The following EPHB2 variants were observed in gnomAD, a reference collection of about 807,000 sequenced individuals.
EPHB2 encodes the protein ephrin type-B receptor 2.
A neutral mutation model predicts 96.4 loss-of-function variants in EPHB2; 18 were observed. The observed-to-expected ratio is 0.19, with a 90% CI of 0.13 to 0.28. EPHB2 has a LOEUF of 0.28. Among genes scored for constraint, EPHB2 ranks in the 10% least tolerant of loss-of-function variants. EPHB2 has a pLI of 1.00. For synonymous variants in EPHB2, 506 were observed against 534.1 expected (o/e 0.95, Z 0.72); for missense variants, 989 against 1,355.4 (o/e 0.73, Z 4.25).
At chr1:22,814,943 A>G (rs1393118493) in intron 3 of EPHB2, among the ~76,000 whole-genome samples, 2 of 152,196 alleles carry the variant, frequency 1.3e-5, no homozygotes, top group African/African-American at 4.8e-5. Context: ...GCCTGTAACC[A>G]TGGAGACAGC....
intron 3 of EPHB2, among the ~76,000 whole-genome samples, chr1:22,786,775 A>G (rs1644617505): frequency 6.6e-6 from 1 of 152,226 alleles, no homozygotes; most frequent in Non-Finnish European, 1.5e-5. Context: ...GGAAGACAGG[A>G]TGGAAAGGGA....
intron 6 of EPHB2, chr1:22,882,874 A>G (rs1639097165): frequency 3.1e-6 from 1 of 318,214 alleles, no homozygotes; most frequent in African/African-American, 2.2e-5. Flanking sequence ...TTCGACAGAG[A>G]TTTGAAACAG....
chr1:22,761,944 G>A (rs976767511), intron 1 of EPHB2, among the ~76,000 whole-genome samples: 4 of 152,248 alleles, frequency 2.6e-5, no homozygotes, highest in South Asian at 2.1e-4. Context: ...TCTGCCTGTC[G>A]TTGCCTTGCT....
rs770838622 is a variant in EPHB2, at chr1:22,781,462, T to G, written c.103T>G (p.Trp35Gly). The G allele has an allele frequency of 1.2e-6, 2 of 1,614,126 alleles. No individual in the cohort carries two copies. Among genetic ancestry groups the G allele is most frequent in the Non-Finnish European group, 1.7e-6 (2 of 1,180,006 alleles). The change falls in exon 2 of 16, where the codon TGG (tryptophan) becomes GGG (glycine). Residue 35 changes from tryptophan to glycine, a missense_variant. By Grantham distance (184) the Trp-to-Gly change is radical (BLOSUM62 -2). Transcript: ENST00000374630. ...CACTACAGCGACTGCTGAGCTGGGC[T>G]GGATGGTGCATCCTCCATCAGGGGT... ...DSTTATAELG[W>G]MVHPPSGWEE...
intron 1 of EPHB2, among the ~76,000 whole-genome samples, chr1:22,721,117 G>T (rs989049502): frequency 6.6e-6 from 1 of 152,186 alleles, no homozygotes; most frequent in Non-Finnish European, 1.5e-5. Flanking sequence ...AGAGGTCATC[G>T]CAGGAGTGGG....
chr1:22,761,325 C>T (rs1444388944), intron 1 of EPHB2, among the ~76,000 whole-genome samples: 4 of 152,130 alleles, frequency 2.6e-5, no homozygotes, highest in South Asian at 2.1e-4. Context: ...TCGCGGAGAG[C>T]GGGAGGGATC....
Position 22,785,062 on chromosome 1 carries a change from G to A in EPHB2, c.797G>A (p.Gly266Asp), listed in dbSNP as rs2148425728. 2 of 1,613,548 alleles carry A rather than the reference G, an allele frequency of 1.2e-6. No individual in the cohort carries two copies. The highest frequency in any genetic ancestry group is 1.7e-6 in the Non-Finnish European group (2 of 1,180,054). Residue 266 changes from glycine to aspartate, a missense_variant, in exon 3 of 16, where the codon GGC (glycine) becomes GAC (aspartate). Transcript: ENST00000374630. ...CKAGFEAVEN[G>D]TVCRGCPSGT... ...GCAGGCTTCGAGGCCGTTGAGAATGGCACCGTCTGCCGAGGTAAGGGCCAG... is the reference window on the plus strand; with the variant it reads ...GCAGGCTTCGAGGCCGTTGAGAATGACACCGTCTGCCGAGGTAAGGGCCAG...
intron 1 of EPHB2, among the ~76,000 whole-genome samples, chr1:22,737,805 A>C (rs1412296105): frequency 4.6e-5 from 7 of 152,146 alleles, no homozygotes; most frequent in Admixed American, 4.6e-4. Flanking sequence ...GAATGAATAC[A>C]TTGTCTGCCC....
intron 3 of EPHB2, among the ~76,000 whole-genome samples, chr1:22,791,554 G>C (rs893239451): frequency 7.1e-6 from 1 of 141,462 alleles, no homozygotes; most frequent in African/African-American, 2.6e-5. Flanking sequence ...GGCCACAAAT[G>C]ATCCTCCCAC....
Position 22,779,835 on chromosome 1 carries a change from G to A in EPHB2, c.62-1586G>A, listed in dbSNP as rs1403649891. On this transcript the variant is annotated intron_variant, in intron 1 of 15. Coordinates refer to ENST00000374630, the MANE Select transcript of EPHB2 (RefSeq NM_017449.5). ...GGAACACTGTGGCAAGAAGCATCAT[G>A]TGGCCACAGTATGGGGACTGATGAG... 3.3e-5 allele frequency among the ~76,000 whole-genome samples: 5 copies of A among 152,206 alleles called. No individual in the cohort carries two copies. In the East Asian group the frequency reaches 9.6e-4, roughly 29 times the overall value.
intron 3 of EPHB2, among the ~76,000 whole-genome samples, chr1:22,788,132 G>T (rs1457938717): frequency 6.6e-6 from 1 of 152,222 alleles, no homozygotes; most frequent in Non-Finnish European, 1.5e-5. Context: ...TACCCCAGGG[G>T]AGGGAATTAC....
At chr1:22,749,120 A>C (rs1008677484) in intron 1 of EPHB2, among the ~76,000 whole-genome samples, 1 of 151,488 alleles carries the variant, frequency 6.6e-6, no homozygotes, top group Non-Finnish European at 1.5e-5. Flanking sequence ...TCCTGGGTTC[A>C]AGTGATCCTC....
At chr1:22,885,868 GC>G (rs1476094209) in intron 6 of EPHB2, among the ~76,000 whole-genome samples, 5 of 152,194 alleles carry the variant, frequency 3.3e-5, no homozygotes, top group African/African-American at 1.2e-4. Context: ...CTCCCCCAGG[GC>G]CTGGGGTACA....
At chr1:22,848,940 G>T (rs1359363307) in intron 3 of EPHB2, among the ~76,000 whole-genome samples, 1 of 152,096 alleles carries the variant, frequency 6.6e-6, no homozygotes, top group East Asian at 1.9e-4. Context: ...GCTGGGGATG[G>T]CACTTCATTG....
intron 3 of EPHB2, among the ~76,000 whole-genome samples, chr1:22,831,965 G>A (rs1557701045): frequency 6.6e-6 from 1 of 152,206 alleles, no homozygotes; most frequent in Non-Finnish European, 1.5e-5. Context: ...GGGAGCCCCT[G>A]GAGGGAGGGG....
intron 3 of EPHB2, among the ~76,000 whole-genome samples, chr1:22,859,029 T>C (rs1173948732): frequency 6.6e-6 from 1 of 152,098 alleles, no homozygotes; most frequent in Non-Finnish European, 1.5e-5. Flanking sequence ...TCCCAGCTAC[T>C]TGGGAGGCGG....
At chr1:22,758,025 TCTC>T (rs1290866265) in intron 1 of EPHB2, among the ~76,000 whole-genome samples, 1 of 147,216 alleles carries the variant, frequency 6.8e-6, no homozygotes, top group Non-Finnish European at 1.5e-5. Flanking sequence ...TTCACGCCAT[TCTC>T]CTGCCTCAGC....
chr1:22,863,302 G>C (rs1638343960), intron 4 of EPHB2, 110 bp downstream of exon 4: 2 of 1,545,376 alleles, frequency 1.3e-6, no homozygotes, highest in Admixed American at 1.9e-5. Flanking sequence ...GTCTTTCCCT[G>C]GTGGGAAGAG....
At chr1:22,885,835 C>A (rs564816070) in intron 6 of EPHB2, among the ~76,000 whole-genome samples, 196 of 152,250 alleles carry the variant, frequency 1.3e-3, no homozygotes, top group African/African-American at 3.9e-3. Flanking sequence ...TGTGATGAGA[C>A]GTGGCCCTAC....
Sources: allele counts gnomAD v4.1 joint callset (sites outside exome capture counted in the v4.1 genomes callset), GRCh38; gene constraint gnomAD v4.1.1; transcripts MANE v1.5; gene names NCBI Gene and HGNC (gene_info 2026-07-23, HGNC 2026-07-21).